The following KIAA1217 variants were observed in gnomAD, a reference collection of about 807,000 sequenced individuals.
KIAA1217 encodes the protein KIAA1217.
In KIAA1217, 88 loss-of-function variants were observed where a neutral mutation model predicts 163.9. The ratio of observed to expected loss-of-function variants is 0.54; its 90% confidence interval spans 0.45 to 0.64. The LOEUF (loss-of-function observed/expected upper bound fraction) is 0.64, where lower values mean the gene tolerates loss of function less well. Among genes scored for constraint, KIAA1217 ranks in the 30% least tolerant of loss-of-function variants. KIAA1217 has a pLI of 0.00. For synonymous variants in KIAA1217, 903 were observed against 923.1 expected, an observed-to-expected ratio of 0.98 and a Z score of 0.39; for missense variants, 2,372 against 2,475.0, an observed-to-expected ratio of 0.96 and a Z score of 0.88.
At chr10:24,499,090 T>C (rs377754402) in intron 8 of KIAA1217, among the ~76,000 whole-genome samples, 1 of 152,172 alleles carries the variant, frequency 6.6e-6, no homozygotes, top group Non-Finnish European at 1.5e-5. Flanking sequence ...AGAAATGATA[T>C]GGCATGTTGT....
intron 3 of KIAA1217, among the ~76,000 whole-genome samples, chr10:24,387,570 A>G (rs1052650836): frequency 6.6e-6 from 1 of 152,190 alleles, no homozygotes; most frequent in East Asian, 1.9e-4. Context: ...CAGGCAAGAG[A>G]AAGAAATAAA....
intron 2 of KIAA1217, among the ~76,000 whole-genome samples, chr10:24,349,702 G>A (rs184473765): frequency 4.9e-4 from 75 of 152,324 alleles, no homozygotes; most frequent in African/African-American, 1.8e-3. Flanking sequence ...AGCCATTAAG[G>A]AAAATGAGTC....
intron 1 of KIAA1217, among the ~76,000 whole-genome samples, chr10:23,925,399 G>A (rs555129880): frequency 1.3e-5 from 2 of 152,182 alleles, no homozygotes; most frequent in South Asian, 4.2e-4. Context: ...AGACATGAAA[G>A]AAATTATAGA....
chr10:23,771,699 T>A (rs1245882344), intron 1 of KIAA1217, among the ~76,000 whole-genome samples: 1 of 152,144 alleles, frequency 6.6e-6, no homozygotes, highest in African/African-American at 2.4e-5. Context: ...CACCATTACC[T>A]CAGAAGGGGA....
intron 1 of KIAA1217, among the ~76,000 whole-genome samples, chr10:23,765,545 A>C (rs1239191514): frequency 6.6e-6 from 1 of 151,906 alleles, no homozygotes; most frequent in Non-Finnish European, 1.5e-5. Flanking sequence ...CTGTGTCCCC[A>C]CCCAAATCTC....
intron 17 of KIAA1217, among the ~76,000 whole-genome samples, chr10:24,541,651 G>A (rs1248017660): frequency 6.6e-6 from 1 of 152,178 alleles, no homozygotes; most frequent in Non-Finnish European, 1.5e-5. Context: ...CATCACTAGT[G>A]TTAGTGTTAT....
In KIAA1217 at chr10:24,055,000, C is replaced by T. The variant is rs550875707; in HGVS notation, c.-171+47626C>T. 1.2e-4 allele frequency among the ~76,000 whole-genome samples: 18 copies of T among 152,242 alleles called. No individual in the cohort carries two copies. In the South Asian group the frequency reaches 3.7e-3, roughly 32 times the overall value. ...TTTTCTTAGACGCTGGGCATGGTGG[C>T]TCATACCTATAATCCTAGCATTTTG... On this transcript the variant is annotated intron_variant, in intron 2 of 18. Coordinates refer to the KIAA1217 transcript ENST00000376462.
chr10:24,449,899 T>G, intron 5 of KIAA1217: 1 of 243,546 alleles, frequency 4.1e-6, no homozygotes, highest in Non-Finnish European at 6.6e-6. Flanking sequence ...GGTTTTATTT[T>G]AACTTCTTGC....
At chr10:24,076,066 AG>A (rs1479053338) in intron 2 of KIAA1217, among the ~76,000 whole-genome samples, 1 of 152,136 alleles carries the variant, frequency 6.6e-6, no homozygotes, top group Non-Finnish European at 1.5e-5. Context: ...TGGGGGGAGT[AG>A]GGCCTCTGAG....
intron 2 of KIAA1217, among the ~76,000 whole-genome samples, chr10:24,340,935 G>A (rs529192932): frequency 2.6e-4 from 39 of 152,206 alleles, no homozygotes; most frequent in Non-Finnish European, 4.7e-4. Context: ...GTGTGAGCAC[G>A]TGCACGCTTG....
intron 1 of KIAA1217, among the ~76,000 whole-genome samples, chr10:23,813,120 T>A (rs1837151124): frequency 6.6e-6 from 1 of 152,196 alleles, no homozygotes; most frequent in Admixed American, 6.5e-5. Context: ...GACTTTTTGA[T>A]GATAGCATCC....
At chr10:24,252,678 C>T (rs1050263324) in intron 2 of KIAA1217, among the ~76,000 whole-genome samples, 1 of 152,088 alleles carries the variant, frequency 6.6e-6, no homozygotes, top group African/African-American at 2.4e-5. Context: ...TTCATTTACT[C>T]GGCACTGATT....
intron 2 of KIAA1217, among the ~76,000 whole-genome samples, chr10:24,134,664 C>A (rs1054344648): frequency 3.3e-5 from 5 of 152,128 alleles, no homozygotes; most frequent in Non-Finnish European, 5.9e-5. Context: ...GCCTCGAACC[C>A]CTGGGCTCAA....
chr10:24,038,431 A>T (rs1221431457), intron 2 of KIAA1217, among the ~76,000 whole-genome samples: 1 of 152,212 alleles, frequency 6.6e-6, no homozygotes, highest in Non-Finnish European at 1.5e-5. Context: ...GCTCAAACCA[A>T]GCATGGTCAC....
At chr10:23,726,155 G>C (rs1216290482) in intron 1 of KIAA1217, among the ~76,000 whole-genome samples, 1 of 151,954 alleles carries the variant, frequency 6.6e-6, no homozygotes, top group Admixed American at 6.6e-5. Flanking sequence ...GTCTTTCTAA[G>C]TTCTCATGGG....
At chr10:24,515,359 C>T (rs927709314) in intron 10 of KIAA1217, among the ~76,000 whole-genome samples, 23 of 152,168 alleles carry the variant, frequency 1.5e-4, no homozygotes, top group African/African-American at 1.9e-4. Flanking sequence ...TGAGCCACCA[C>T]GCCCGGCCAG....
At chr10:23,704,170 GTGTATATATA>G (rs1477592270) in intron 1 of KIAA1217, among the ~76,000 whole-genome samples, 13 of 54,122 alleles carry the variant, frequency 2.4e-4, no homozygotes, top group Admixed American at 7.0e-4. Flanking sequence ...GTGTGTGTGT[GTGTATATATA>G]TATATATATA....
chr10:23,893,604 T>C, intron 1 of KIAA1217, among the ~76,000 whole-genome samples: 1 of 152,064 alleles, frequency 6.6e-6, no homozygotes, highest in East Asian at 1.9e-4. Context: ...TTTTGGATCT[T>C]CCCTGCTTTC....
intron 1 of KIAA1217, among the ~76,000 whole-genome samples, chr10:23,874,419 T>C (rs912230216): frequency 2.6e-5 from 4 of 152,048 alleles, no homozygotes; most frequent in African/African-American, 9.7e-5. Context: ...TGCAACTAGC[T>C]AGCTCTGAGA....
Sources: gnomAD v4.1 joint callset for allele counts (sites outside exome capture counted in the v4.1 genomes callset) on GRCh38, gnomAD v4.1.1 for gene constraint, MANE v1.5 for transcripts, NCBI Gene and HGNC (gene_info 2026-07-23, HGNC 2026-07-21) for gene names.